The following SLC5A4 variants were observed in gnomAD, a reference collection of about 807,000 sequenced individuals.
The protein encoded by SLC5A4 is solute carrier family 5 member 4.
In SLC5A4, 55 loss-of-function variants were observed where a neutral mutation model predicts 70.3. That is an observed-to-expected ratio of 0.78 (90% confidence interval 0.63 to 0.98). The LOEUF is 0.98. SLC5A4 is among the 50% of genes least tolerant of loss of function. The probability of loss-of-function intolerance (pLI) is 0.00; values close to 1 mark genes in which losing one functional copy is unlikely to be tolerated. For missense variants in SLC5A4, 735 were observed against 839.2 expected (o/e 0.88, Z 1.53); for synonymous variants, 268 against 305.7 (o/e 0.88, Z 1.29).
the SLC5A4 span, among the ~76,000 whole-genome samples, chr22:32,321,053 C>T: frequency 3.3e-5 from 5 of 152,140 alleles, no homozygotes; most frequent in East Asian, 7.7e-4. Flanking sequence ...TTTGGGAGGC[C>T]GAGGCAGGCG....
chr22:32,326,849 G>T, the SLC5A4 span, among the ~76,000 whole-genome samples: 1 of 152,158 alleles, frequency 6.6e-6, no homozygotes, highest in Non-Finnish European at 1.5e-5. Flanking sequence ...GAGGGGATGT[G>T]GCCACGGGAG....
the SLC5A4 span, chr22:32,269,918 T>C: frequency 1.8e-6 from 1 of 544,610 alleles, no homozygotes; most frequent in South Asian, 1.5e-5. This position sits in a 1 kb window ranked among gnomAD's most constrained non-coding sequence, Gnocchi z 4.1. Flanking sequence ...ACCAGCGTCC[T>C]CACCACCAGC....
chr22:32,247,840 A>G (rs1405550946), intron 4 of SLC5A4, among the ~76,000 whole-genome samples: 1 of 152,228 alleles, frequency 6.6e-6, no homozygotes, highest in Admixed American at 6.5e-5. Flanking sequence ...TGCACCAAAC[A>G]TAAGTGAAGT....
intron 5 of SLC5A4, among the ~76,000 whole-genome samples, chr22:32,241,739 A>T (rs1184605656): frequency 6.6e-6 from 1 of 151,468 alleles, no homozygotes; most frequent in Non-Finnish European, 1.5e-5. Flanking sequence ...TTTTTGATGC[A>T]TTATAGGATT....
the SLC5A4 span, among the ~76,000 whole-genome samples, chr22:32,298,743 C>A: frequency 1.1e-5 from 1 of 94,364 alleles, no homozygotes; most frequent in Non-Finnish European, 2.2e-5. Flanking sequence ...CAGTTTCTTC[C>A]TAGTCTCGAT....
chr22:32,291,457 G>A, the SLC5A4 span, among the ~76,000 whole-genome samples: 3 of 152,266 alleles, frequency 2.0e-5, no homozygotes, highest in African/African-American at 2.4e-5. Context: ...GATTACAGGC[G>A]TGAGGCACTG....
the SLC5A4 span, among the ~76,000 whole-genome samples, chr22:32,312,127 T>A: frequency 6.6e-6 from 1 of 152,084 alleles, no homozygotes; most frequent in East Asian, 1.9e-4. Context: ...TGAGTATTTT[T>A]GTTACAGGAA....
At chr22:32,263,976 G>A in the SLC5A4 span, among the ~76,000 whole-genome samples, 4 of 151,968 alleles carry the variant, frequency 2.6e-5, no homozygotes, top group South Asian at 2.1e-4. Context: ...GCATGTTCTC[G>A]CTCATAAGGG....
the SLC5A4 span, among the ~76,000 whole-genome samples, chr22:32,311,582 A>G: frequency 6.6e-6 from 1 of 152,076 alleles, no homozygotes; most frequent in Non-Finnish European, 1.5e-5. Flanking sequence ...AAGCGGGTGG[A>G]TTTCTAGAAC....
the SLC5A4 span, among the ~76,000 whole-genome samples, chr22:32,337,721 G>A: frequency 2.6e-5 from 4 of 152,284 alleles, no homozygotes; most frequent in South Asian, 4.1e-4. Flanking sequence ...TTTGTAGCAC[G>A]TGCTGTCAAT....
At chr22:32,233,132 A>T (rs1261226313) in intron 8 of SLC5A4, 98 bp from the exon 9 acceptor site, 3 of 1,324,068 alleles carry the variant, frequency 2.3e-6, no homozygotes, top group Admixed American at 2.2e-5. Context: ...AATAAGAAAT[A>T]ATGTGGACCA....
the SLC5A4 span, among the ~76,000 whole-genome samples, chr22:32,274,607 T>G: frequency 1.3e-5 from 2 of 152,076 alleles, no homozygotes; most frequent in Non-Finnish European, 2.9e-5. Flanking sequence ...ATCCACACCA[T>G]GAAATATTAA....
At chr22:32,340,617 C>T in the SLC5A4 span, among the ~76,000 whole-genome samples, 1 of 152,162 alleles carries the variant, frequency 6.6e-6, no homozygotes, top group South Asian at 2.1e-4. Context: ...CCCCTTTGAT[C>T]GGGTGACCCT....
chr22:32,352,823 C>CA, the SLC5A4 span, among the ~76,000 whole-genome samples: 1 of 152,240 alleles, frequency 6.6e-6, no homozygotes, highest in Non-Finnish European at 1.5e-5. Flanking sequence ...TGGCGGCAGC[C>CA]AGCCGCCATC....
At chr22:32,330,626 GGT>G in the SLC5A4 span, among the ~76,000 whole-genome samples, 1 of 122,054 alleles carries the variant, frequency 8.2e-6, no homozygotes, top group Non-Finnish European at 1.7e-5. Context: ...AGGAAGCTCT[GGT>G]GTGTGTGTTG....
the SLC5A4 span, among the ~76,000 whole-genome samples, chr22:32,289,262 ATATT>A: frequency 6.6e-6 from 1 of 152,074 alleles, no homozygotes; most frequent in Non-Finnish European, 1.5e-5. Context: ...TCTCCTAATT[ATATT>A]TATTGTTTTC....
the SLC5A4 span, among the ~76,000 whole-genome samples, chr22:32,299,918 G>A: frequency 5.3e-5 from 6 of 114,088 alleles, no homozygotes; most frequent in African/African-American, 1.9e-4. Context: ...CCTGCCGTGT[G>A]AGGTGTCAGT....
At chr22:32,330,651 TGGGGCTCTGGTGTGTGTGTTAG>T in the SLC5A4 span, among the ~76,000 whole-genome samples, 164 of 90,848 alleles carry the variant, frequency 1.8e-3, no homozygotes, top group African/African-American at 6.7e-3. Flanking sequence ...GGCTCTGTAT[TGGGGCTCTGGTGTGTGTGTTAG>T]GGGGCTCTGG....
chr22:32,345,718 C>T, the SLC5A4 span, among the ~76,000 whole-genome samples: 1 of 152,168 alleles, frequency 6.6e-6, no homozygotes, highest in Non-Finnish European at 1.5e-5. Context: ...CATCACTGTA[C>T]ACAGAAAAGG....
Sources: gnomAD v4.1 joint callset for allele counts (sites outside exome capture counted in the v4.1 genomes callset) on GRCh38, gnomAD v4.1.1 for gene constraint, Gnocchi (gnomAD v3.1) non-coding constraint, MANE v1.5 for transcripts, NCBI Gene and HGNC (gene_info 2026-07-23, HGNC 2026-07-21) for gene names.